GIPR: variants seen among roughly 807,000 people sequenced by gnomAD.
GIPR encodes GIP-R.
A neutral mutation model predicts 62.2 loss-of-function variants in GIPR; 74 were observed. The ratio of observed to expected loss-of-function variants is 1.19; its 90% CI spans 0.99 to 1.44. GIPR has a LOEUF of 1.44. Ranked by LOEUF, GIPR falls within the 40% of genes most tolerant of loss-of-function variation. GIPR has a pLI of 0.00. For synonymous variants in GIPR, 256 were observed against 262.2 expected, an observed-to-expected ratio of 0.98 and a Z score of 0.23; for missense variants, 664 against 611.8, an observed-to-expected ratio of 1.09 and a Z score of -0.90.
At chr19:45,679,245 C>T (rs1260878286) in intron 12 of GIPR, among the ~76,000 whole-genome samples, 2 of 151,890 alleles carry the variant, frequency 1.3e-5, no homozygotes, top group Non-Finnish European at 2.9e-5. Flanking sequence ...TTTGGGAGGC[C>T]GAGGCAGGCG....
chr19:45,680,807 G>A (rs1449897305), intron 12 of GIPR, among the ~76,000 whole-genome samples: 2 of 148,856 alleles, frequency 1.3e-5, no homozygotes, highest in Non-Finnish European at 3.0e-5. Flanking sequence ...CTCCAGCCTG[G>A]GCAACAGAGC....
At position 45,669,530 on chromosome 19, in the gene GIPR, T is replaced by C; in HGVS notation, c.10T>C (p.Ser4Pro). The part of the protein sequence containing the change: MTT[S>P]PILQLLLRLS... ...CTTCGCCGCCCTCACGATGACTACC[T>C]CTCCGATCCTGCAGCTGCTGCTGCG... Residue 4 changes from serine to proline, a missense_variant, in exon 2 of 14, where the codon TCT becomes CCT. Physicochemically the swap from Ser to Pro is moderately conservative, Grantham distance 74. Transcript: ENST00000590918. 1 of 1,576,752 alleles carries C rather than the reference T, an allele frequency of 6.3e-7. No individual in the cohort carries two copies. Among genetic ancestry groups the C allele is most frequent in the Non-Finnish European group, 8.6e-7 (1 of 1,164,290 alleles).
In GIPR at chr19:45,670,735, G is replaced by C. The variant is rs1975490565; in HGVS notation, c.172+1G>C. 6.3e-7 allele frequency: 1 copy of C among 1,591,664 alleles called. No individual in the cohort carries two copies. The highest frequency in any genetic ancestry group is 8.6e-7 in the Non-Finnish European group (1 of 1,165,636). ...TTGGCAGCCGCGGAACCGCCTTCAG[G>C]TGTGACCAGGAGGGCTGGGGACGCG... On this transcript the variant is annotated splice_donor_variant, in intron 3 of 13. Coordinates refer to ENST00000590918, the MANE Select transcript of GIPR (RefSeq NM_000164.4). LOFTEE classifies it high-confidence loss of function.
rs1038500454 is a variant in GIPR at position 45,670,642 on chromosome 19, C to T, written c.80C>T (p.Ser27Phe). Residue 27 changes from serine (S) to phenylalanine (F), a missense_variant, in exon 3 of 14, where the codon TCT becomes TTT. Transcript: ENST00000590918. Reference sequence around the variant, plus strand: ...CCTTCTTTCTTTTCCTAGACAGGCTCTAAGGGGCAGACGGCGGGGGAGCTG... The same window carrying T: ...CCTTCTTTCTTTTCCTAGACAGGCTTTAAGGGGCAGACGGCGGGGGAGCTG... ...GLLLQRAETG[S>F]KGQTAGELYQ... 2 of 1,612,376 alleles carry T rather than the reference C, an allele frequency of 1.2e-6. No homozygotes were observed. Among genetic ancestry groups the T allele is most frequent in the Non-Finnish European group, 1.7e-6 (2 of 1,178,840 alleles).
intron 7 of GIPR, among the ~76,000 whole-genome samples, chr19:45,675,757 C>T (rs932895667): frequency 6.6e-6 from 1 of 151,640 alleles, no homozygotes; most frequent in Non-Finnish European, 1.5e-5. Flanking sequence ...GCATGGCGGC[C>T]CTCGCCTGTA....
intron 12 of GIPR, 43 bp downstream of exon 12, chr19:45,678,269 C>T: frequency 3.9e-6 from 6 of 1,541,250 alleles, no homozygotes; most frequent in South Asian, 1.2e-5. Flanking sequence ...CCACCCAGGG[C>T]CTCCTCCCCA....
At chr19:45,677,856 C>A (rs973275071) in intron 10 of GIPR, 50 bp from the exon 11 acceptor site, 2 of 1,597,906 alleles carry the variant, frequency 1.3e-6, no homozygotes, top group Non-Finnish European at 1.7e-6. Flanking sequence ...CCTCCTCCTG[C>A]CCCTTCAGAA....
At position 45,682,612 on chromosome 19, in the gene GIPR, G is replaced by A. The variant is rs1967307215; in HGVS notation, c.*677G>A. On this transcript the variant is annotated 3_prime_UTR_variant, in exon 14 of 14. Coordinates refer to ENST00000590918, the MANE Select transcript of GIPR (RefSeq NM_000164.4). ...GTCTCACTCTGTCACCCAGGCTGGA[G>A]TGCAGTGGTGCAATTTCAGCTCACT... 6.7e-6 allele frequency: 1 copy of A among 149,280 alleles called. No homozygotes were observed. The highest frequency in any genetic ancestry group is 2.5e-5 in the African/African-American group (1 of 40,184). 9.2% of individuals were successfully genotyped at this position (149,280 alleles called of 1,614,324 possible).
chr19:45,675,359 G>A (rs1415121994), intron 7 of GIPR: 1 of 156,688 alleles, frequency 6.4e-6, no homozygotes, highest in South Asian at 1.8e-4. Flanking sequence ...GGCAGATCAC[G>A]AGGCCAGGAG....
chr19:45,681,455 A>T (rs1309438065), intron 12 of GIPR, 149 bp from the exon 13 acceptor site: 12 of 754,922 alleles, frequency 1.6e-5, no homozygotes, highest in Non-Finnish European at 2.8e-5. Context: ...AGATCGTGCC[A>T]CTGCACTCCC....
chr19:45,681,668 C>G (rs758119858), intron 13 of GIPR, 23 bp downstream of exon 13: 1 of 1,612,578 alleles, frequency 6.2e-7, no homozygotes, highest in Non-Finnish European at 8.5e-7. Context: ...CCGGCCGCCG[C>G]CCCCGCCCTC....
intron 3 of GIPR, among the ~76,000 whole-genome samples, chr19:45,670,979 C>A (rs892847847): frequency 9.8e-6 from 1 of 102,550 alleles, no homozygotes; most frequent in African/African-American, 3.8e-5. Flanking sequence ...TTGAAGGGGG[C>A]GGGGTTTGGG....
In GIPR at chr19:45,674,969, G is replaced by T; in HGVS notation, c.633+143G>T. On this transcript the variant is annotated intron_variant, in intron 7 of 13. Coordinates refer to ENST00000590918, the MANE Select transcript of GIPR (RefSeq NM_000164.4). ...TCCCTCTCCAAATGTGTCTTGGGGT[G>T]GGGGATCAAGACACATTTGGAGAGG... is the stretch of plus-strand genomic sequence containing the variant. 2.4e-6 allele frequency: 2 copies of T among 839,910 alleles called. 1 individual carries two copies. The highest frequency in any genetic ancestry group is 2.8e-5 in the South Asian group (2 of 71,410). The allele number at this position is 839,910 out of a possible 1,614,324, so 52.0% of individuals were successfully genotyped here. A position where few individuals can be genotyped will look rare whatever the true frequency, so the allele number is the denominator to read the frequency against.
chr19:45,671,036 G>C lies in GIPR; in HGVS notation c.173-249G>C, dbSNP rs139957339. 1.8e-3 allele frequency among the ~76,000 whole-genome samples: 274 copies of C among 152,014 alleles called. 1 individual carries two copies. The highest frequency in any genetic ancestry group is 6.4e-3 in the African/African-American group (265 of 41,482). ...TCCGGGTGGGACGATCTGGGGCGGG[G>C]ACTTGTTTGGTGGGAGGAGCCCAGA... On this transcript the variant is annotated intron_variant, in intron 3 of 13. Transcript: ENST00000590918.
Position 45,681,977 on chromosome 19 carries a change from T to C in GIPR, c.*42T>C. On this transcript the variant is annotated 3_prime_UTR_variant, in exon 14 of 14. Transcript: ENST00000590918. ...GTCTGTTCAGTTAGCATGGATTTAT[T>C]GAGTGCCAACTGCGTGCCAGGCCCA... The C allele has an allele frequency of 6.7e-7, 1 of 1,498,608 alleles. No individual in the cohort carries two copies. Among genetic ancestry groups the C allele is most frequent in the Non-Finnish European group, 9.1e-7 (1 of 1,099,108 alleles). 92.8% of individuals were successfully genotyped at this position (1,498,608 alleles called of 1,614,324 possible). A position where few individuals can be genotyped will look rare whatever the true frequency, so the allele number is the denominator to read the frequency against.
chr19:45,679,569 G>A (rs1411127357), intron 12 of GIPR, among the ~76,000 whole-genome samples: 1 of 151,764 alleles, frequency 6.6e-6, no homozygotes, highest in African/African-American at 2.4e-5. Flanking sequence ...AAGAGATGAG[G>A]AGTGTCCACT....
At chr19:45,677,497 C>T in intron 9 of GIPR, 114 bp downstream of exon 9, 6 of 815,100 alleles carry the variant, frequency 7.4e-6, no homozygotes, top group South Asian at 2.8e-5. Flanking sequence ...GCTGGGGATA[C>T]GTGGGCGGGA....
intron 1 of GIPR, among the ~76,000 whole-genome samples, chr19:45,669,008 AC>A (rs1296870463): frequency 2.0e-5 from 3 of 151,824 alleles, no homozygotes. Context: ...CGTTTCAAGT[AC>A]CCCACTAGGG....
intron 7 of GIPR, 111 bp downstream of exon 7, chr19:45,674,937 G>A (rs745955600): frequency 8.7e-7 from 1 of 1,146,460 alleles, no homozygotes; most frequent in Non-Finnish European, 1.3e-6. Context: ...TATCTGAGTT[G>A]GGAGGGTCCC....
Sources: gnomAD v4.1 joint callset for allele counts (sites outside exome capture counted in the v4.1 genomes callset) on GRCh38, gnomAD v4.1.1 for gene constraint, MANE v1.5 for transcripts, NCBI Gene and HGNC (gene_info 2026-07-23, HGNC 2026-07-21) for gene names.